FARSB: variants seen among roughly 807,000 people sequenced by gnomAD.
FARSB encodes the protein phenylalanine--tRNA ligase beta subunit.
Under a neutral mutation model 69.6 loss-of-function variants are expected in FARSB, and 40 were observed. The ratio of observed to expected loss-of-function variants is 0.57; its 90% confidence interval spans 0.45 to 0.75. FARSB has a LOEUF of 0.75. Ranked by LOEUF, FARSB falls within the 30% of genes least tolerant of loss-of-function variation. The pLI is 0.00. For missense variants in FARSB, 632 were observed against 722.9 expected, an observed-to-expected ratio of 0.87 and a Z score of 1.44; for synonymous variants, 235 against 247.2, an observed-to-expected ratio of 0.95 and a Z score of 0.46.
At chr2:222,610,465 C>A (rs1202753253) in intron 15 of FARSB, among the ~76,000 whole-genome samples, 1 of 150,848 alleles carries the variant, frequency 6.6e-6, no homozygotes, top group Admixed American at 6.6e-5. Context: ...TTCCCACATT[C>A]GTCTGTTTTA....
In FARSB at chr2:222,571,424, T is replaced by C. The variant is rs1316452055; in HGVS notation, c.*447A>G. The C allele has an allele frequency of 6.6e-6, 1 of 152,464 alleles. No homozygotes were observed. Among genetic ancestry groups the C allele is most frequent in the Non-Finnish European group, 1.5e-5 (1 of 68,328 alleles). The allele number at this position is 152,464 out of a possible 1,614,324, so 9.4% of individuals were successfully genotyped here. A position where few individuals can be genotyped will look rare whatever the true frequency, so the allele number is the denominator to read the frequency against. On this transcript the variant is annotated 3_prime_UTR_variant, in exon 17 of 17. Transcript: ENST00000281828. ...TTAGTGTTTCTCAATGATGAATACA[T>C]GTCAAATGTAGAAAATCAAAGCTAA...
chr2:222,653,002 A>G (rs193134991), intron 1 of FARSB, among the ~76,000 whole-genome samples: 102 of 152,360 alleles, frequency 6.7e-4, no homozygotes, highest in Admixed American at 2.2e-3. Context: ...TCCTCTAACG[A>G]AATGACACAT....
At chr2:222,573,439 A>C (rs1476245187) in intron 16 of FARSB, among the ~76,000 whole-genome samples, 1 of 152,214 alleles carries the variant, frequency 6.6e-6, no homozygotes, top group Non-Finnish European at 1.5e-5. Flanking sequence ...GAAACCAAAT[A>C]AAACAATGCA....
At chr2:222,634,257 A>C in intron 6 of FARSB, 134 bp downstream of exon 6, 1 of 537,126 alleles carries the variant, frequency 1.9e-6, no homozygotes. Context: ...CAGATGAATC[A>C]CTGTCTCTAG....
intron 5 of FARSB, among the ~76,000 whole-genome samples, chr2:222,638,007 C>T (rs529209290): frequency 9.3e-5 from 14 of 151,336 alleles, no homozygotes; most frequent in African/African-American, 3.4e-4. Context: ...ACAAAAAGAT[C>T]AATAAAACTG....
intron 7 of FARSB, among the ~76,000 whole-genome samples, chr2:222,632,939 C>T (rs1413389419): frequency 6.6e-6 from 1 of 151,734 alleles, no homozygotes; most frequent in African/African-American, 2.4e-5. Flanking sequence ...CATCAATAAC[C>T]TTTGAAGAAA....
At chr2:222,626,362 T>G (rs576656751) in intron 10 of FARSB, among the ~76,000 whole-genome samples, 17 of 151,964 alleles carry the variant, frequency 1.1e-4, no homozygotes, top group Non-Finnish European at 2.1e-4. Flanking sequence ...TGACAACTTA[T>G]CTCCCCTAGT....
At chr2:222,580,405 A>G (rs938312771) in intron 16 of FARSB, among the ~76,000 whole-genome samples, 5 of 152,090 alleles carry the variant, frequency 3.3e-5, no homozygotes, top group African/African-American at 1.2e-4. Flanking sequence ...GTACACCTGC[A>G]ATCCTAGTGC....
chr2:222,615,359 A>G (rs1326071827), intron 14 of FARSB, among the ~76,000 whole-genome samples: 1 of 152,210 alleles, frequency 6.6e-6, no homozygotes, highest in African/African-American at 2.4e-5. Flanking sequence ...TGGTCCTTTA[A>G]GATGGAAATC....
At chr2:222,611,100 G>A (rs1336396872) in intron 15 of FARSB, among the ~76,000 whole-genome samples, 1 of 152,026 alleles carries the variant, frequency 6.6e-6, no homozygotes, top group African/African-American at 2.4e-5. Context: ...ATAAACTAAA[G>A]CAAACCTATG....
chr2:222,569,228 A>C lies in FARSB; in HGVS notation c.*2643T>G, dbSNP rs951762920. 5.3e-5 allele frequency: 8 copies of C among 152,196 alleles called. No homozygotes were observed. The highest frequency in any genetic ancestry group is 1.9e-4 in the African/African-American group (8 of 41,454). 9.4% of individuals were successfully genotyped at this position (152,196 alleles called of 1,614,324 possible). The stretch of plus-strand genomic sequence containing the variant: ...TTTCCCCTTTCATGCTGGGATATAC[A>C]ATTAGGCATTAGTGGGTTTTTCATT... On this transcript the variant is annotated 3_prime_UTR_variant, in exon 17 of 17. Coordinates refer to ENST00000281828, the MANE Select transcript of FARSB (RefSeq NM_005687.5).
chr2:222,655,293 G>A (rs1251229980), intron 1 of FARSB, among the ~76,000 whole-genome samples: 2 of 151,982 alleles, frequency 1.3e-5, no homozygotes, highest in African/African-American at 4.8e-5. Context: ...CAATGGTTGT[G>A]TTTTTAGAAC....
chr2:222,655,864 G>A lies in FARSB; in HGVS notation c.58+152C>T, dbSNP rs1692161124. 11 of 646,204 alleles carry A rather than the reference G, an allele frequency of 1.7e-5. No individual in the cohort carries two copies. The South Asian group carries it at 1.7e-4, about 10-fold the overall frequency. 40.0% of individuals were successfully genotyped at this position (646,204 alleles called of 1,614,324 possible). ...TTCCGAGGCTACCACAGCCCAGCCG[G>A]ACCGCCACCATCATCGGCCTTCCCG... is the stretch of plus-strand genomic sequence containing the variant. On this transcript the variant is annotated intron_variant, in intron 1 of 16. Coordinates refer to ENST00000281828, the MANE Select transcript of FARSB (RefSeq NM_005687.5).
chr2:222,576,574 G>A (rs184459373), intron 16 of FARSB, among the ~76,000 whole-genome samples: 1 of 152,242 alleles, frequency 6.6e-6, no homozygotes, highest in Non-Finnish European at 1.5e-5. Context: ...TATGTTCTAA[G>A]TGAGTAATTA....
At position 222,571,778 on chromosome 2, in the gene FARSB, C is replaced by T; in HGVS notation, c.*93G>A. 1 of 1,084,310 alleles carries T rather than the reference C, an allele frequency of 9.2e-7. No homozygotes were observed. Among genetic ancestry groups the T allele is most frequent in the Non-Finnish European group, 1.3e-6 (1 of 755,874 alleles). The allele number at this position is 1,084,310 out of a possible 1,614,324, so 67.2% of individuals were successfully genotyped here. On this transcript the variant is annotated 3_prime_UTR_variant, in exon 17 of 17. Coordinates refer to ENST00000281828, the MANE Select transcript of FARSB (RefSeq NM_005687.5). ...TTTCTACTTTATTAAACATCAAAGCCCAAATAGATGTTCCCTGTGGAGGAG... is the reference window on the plus strand; with the variant it reads ...TTTCTACTTTATTAAACATCAAAGCTCAAATAGATGTTCCCTGTGGAGGAG...
At position 222,648,739 on chromosome 2, in the gene FARSB, C is replaced by A. The variant is rs1263454342; in HGVS notation, c.114+1G>T. The A allele has an allele frequency of 1.9e-6, 3 of 1,571,560 alleles. No individual in the cohort carries two copies. Among genetic ancestry groups the A allele is most frequent in the Non-Finnish European group, 2.6e-6 (3 of 1,141,536 alleles). ...AAAATAGACAAATATCCAATACATA[C>A]AATTTCATCAAGCTCCAGACCAAAT... On this transcript the variant is annotated splice_donor_variant, in intron 2 of 16. Transcript: ENST00000281828. LOFTEE classifies it high-confidence loss of function.
intron 15 of FARSB, among the ~76,000 whole-genome samples, chr2:222,602,258 T>C (rs1468302768): frequency 2.0e-5 from 3 of 151,970 alleles, no homozygotes. Context: ...AAATAAGGCG[T>C]TTTTAGGGTG....
intron 12 of FARSB, 69 bp downstream of exon 12, chr2:222,624,203 G>C (rs1419858666): frequency 9.6e-7 from 1 of 1,038,740 alleles, no homozygotes; most frequent in African/African-American, 1.6e-5. Flanking sequence ...CTGTTTTCTC[G>C]AAGCCTTCCT....
chr2:222,653,860 A>C (rs1488997708), intron 1 of FARSB, among the ~76,000 whole-genome samples: 1 of 152,126 alleles, frequency 6.6e-6, no homozygotes, highest in Non-Finnish European at 1.5e-5. Context: ...GAGCTCAAGC[A>C]ATCTGCCCAC....
Sources: allele counts gnomAD v4.1 joint callset (sites outside exome capture counted in the v4.1 genomes callset), GRCh38; gene constraint gnomAD v4.1.1; transcripts MANE v1.5; gene names NCBI Gene and HGNC (gene_info 2026-07-23, HGNC 2026-07-21).